The following TNS1 variants were observed in gnomAD, a reference collection of about 807,000 sequenced individuals.
TNS1 encodes the protein tensin-1.
Under a neutral mutation model 168.6 loss-of-function variants are expected in TNS1, and 62 were observed. That is an observed-to-expected ratio of 0.37 (90% CI 0.30 to 0.45). The LOEUF (loss-of-function observed/expected upper bound fraction) is 0.45. Ranked by LOEUF, TNS1 falls within the 20% of genes least tolerant of loss-of-function variation. The pLI is 1.00. For missense variants in TNS1, 2,240 were observed against 2,339.4 expected (o/e 0.96, Z 0.88); for synonymous variants, 934 against 933.2 (o/e 1.00, Z -0.02).
intron 22 of TNS1, among the ~76,000 whole-genome samples, chr2:217,822,161 C>A (rs1250275670): frequency 6.6e-6 from 1 of 152,168 alleles, no homozygotes; most frequent in Non-Finnish European, 1.5e-5. Context: ...AAATGGATCC[C>A]AGGCCCCGCC....
At position 217,907,246 on chromosome 2, in the gene TNS1, G is replaced by A. The variant is rs989345332; in HGVS notation, c.234C>T (p.Ile78=). Residue 78 remains isoleucine, a synonymous_variant, in exon 5 of 33, where the codon ATC becomes ATT. Transcript: ENST00000682258. ...VPPSNHELVP[I]TTENAPKNVV... ...CATTCTTTGGTGCATTCTCAGTGGT[G>A]ATGGGCTGTGGACAGAAGGAGAAAC... The A allele has an allele frequency of 1.4e-6, 1 of 702,988 alleles. No individual in the cohort carries two copies. The highest frequency in any genetic ancestry group is 2.0e-5 in the Admixed American group (1 of 50,004). The allele number at this position is 702,988 out of a possible 1,614,324, so 43.5% of individuals were successfully genotyped here.
At chr2:217,857,204 G>A (rs1948243801) in intron 18 of TNS1, among the ~76,000 whole-genome samples, 1 of 152,218 alleles carries the variant, frequency 6.6e-6, no homozygotes. Flanking sequence ...CAGGGCCCGG[G>A]AGGTTGGCTC....
intron 3 of TNS1, among the ~76,000 whole-genome samples, chr2:217,951,081 G>A (rs1276871302): frequency 6.6e-6 from 1 of 152,178 alleles, no homozygotes; most frequent in Non-Finnish European, 1.5e-5. Context: ...TTGAAATGGG[G>A]AGCTATCCCT....
At chr2:217,990,232 C>G (rs1958327522) in intron 2 of TNS1, among the ~76,000 whole-genome samples, 1 of 151,156 alleles carries the variant, frequency 6.6e-6, no homozygotes, top group Admixed American at 6.6e-5. Context: ...ATCATCCACA[C>G]ACCATCTATA....
intron 3 of TNS1, among the ~76,000 whole-genome samples, chr2:217,934,234 G>A (rs1317564358): frequency 1.3e-5 from 2 of 152,188 alleles, no homozygotes; most frequent in Non-Finnish European, 2.9e-5. Context: ...AGCATCGATG[G>A]AGCTGAGGGG....
chr2:217,886,173 T>C (rs1262414509), intron 13 of TNS1, 69 bp from the exon 14 acceptor site: 8 of 1,517,202 alleles, frequency 5.3e-6, no homozygotes, highest in Non-Finnish European at 7.3e-6. Context: ...GAGGAGACAG[T>C]GAAGGGAGAA....
At position 217,923,442 on chromosome 2, in the gene TNS1, G is replaced by A. The variant is rs180966203; in HGVS notation, c.187-3206C>T. Among the ~76,000 whole-genome samples the A allele has an allele frequency of 1.5e-3, 234 of 152,300 alleles. 1 individual carries two copies. Among genetic ancestry groups the A allele is most frequent in the African/African-American group, 5.3e-3 (221 of 41,554 alleles). Reference sequence around the variant, plus strand: ...GCATTAATTAACTCATTTAATTCACGTAACAATGCTGAGCGTTGTCATTAT... The same window carrying A: ...GCATTAATTAACTCATTTAATTCACATAACAATGCTGAGCGTTGTCATTAT... On this transcript the variant is annotated intron_variant, in intron 3 of 32. Coordinates refer to ENST00000682258, the MANE Select transcript of TNS1 (RefSeq NM_001387777.1).
chr2:217,815,872 C>T (rs1054362562), intron 24 of TNS1, among the ~76,000 whole-genome samples: 3 of 149,354 alleles, frequency 2.0e-5, no homozygotes, highest in African/African-American at 7.4e-5. Flanking sequence ...TCACATAGAA[C>T]AAAAAAAAAA....
At position 217,809,476 on chromosome 2, in the gene TNS1, GAT is replaced by G. The variant is rs1940255759; in HGVS notation, c.5273+345_5273+346del. ...GGATGGATGCATGGATGGATGGATGGATGGATGGATGGATGCATGGATGGATG... is the reference window on the plus strand; with the variant it reads ...GGATGGATGCATGGATGGATGGATGGGGATGGATGGATGCATGGATGGATG... On this transcript the variant is annotated intron_variant, in intron 30 of 32. Transcript: ENST00000682258. Among the ~76,000 whole-genome samples, 2 of 75,626 alleles carry G rather than the reference GAT, an allele frequency of 2.6e-5. 1 individual carries two copies. The highest frequency in any genetic ancestry group is 2.6e-4 in the Admixed American group (2 of 7,748). 49.6% of individuals were successfully genotyped at this position (75,626 alleles called of 152,430 possible). A position where few individuals can be genotyped will look rare whatever the true frequency, so the allele number is the denominator to read the frequency against.
At chr2:217,947,230 C>T (rs560472574) in intron 3 of TNS1, among the ~76,000 whole-genome samples, 1 of 148,730 alleles carries the variant, frequency 6.7e-6, no homozygotes, top group Non-Finnish European at 1.5e-5. Flanking sequence ...CAAGGGTAGG[C>T]CTGGGGGTTT....
At chr2:217,829,944 A>C in intron 22 of TNS1, 1 of 1,597,518 alleles carries the variant, frequency 6.3e-7, no homozygotes, top group Non-Finnish European at 8.5e-7. Context: ...GCAGGTGGTG[A>C]AGATGAGGAA....
chr2:217,855,795 C>T (rs1948064848), intron 18 of TNS1, among the ~76,000 whole-genome samples: 1 of 152,138 alleles, frequency 6.6e-6, no homozygotes, highest in African/African-American at 2.4e-5. Context: ...CACCACCACC[C>T]AGTGAAAAAT....
intron 18 of TNS1, among the ~76,000 whole-genome samples, chr2:217,862,002 G>A (rs111583572): frequency 0.017 from 2,644 of 152,324 alleles, 70 homozygotes; most frequent in African/African-American, 0.059. Context: ...TTCCAAAATG[G>A]TGCAGACTAC....
intron 1 of TNS1, among the ~76,000 whole-genome samples, chr2:217,992,000 C>T (rs1958378370): frequency 1.3e-5 from 2 of 152,158 alleles, no homozygotes; most frequent in South Asian, 4.1e-4. Context: ...GCCTCAGTTT[C>T]TCTCTCTGGA....
At chr2:217,966,539 C>G (rs1013672860) in intron 3 of TNS1, among the ~76,000 whole-genome samples, 3 of 152,146 alleles carry the variant, frequency 2.0e-5, no homozygotes, top group African/African-American at 7.2e-5. Context: ...AGAGGCATTT[C>G]CCAGGGCAAA....
chr2:217,999,820 G>C (rs901751907), intron 1 of TNS1, among the ~76,000 whole-genome samples: 2 of 152,262 alleles, frequency 1.3e-5, no homozygotes, highest in African/African-American at 4.8e-5. Context: ...ATCATCGTCT[G>C]CAGCTGGATG....
chr2:217,921,072 C>G (rs1955662556), intron 3 of TNS1, among the ~76,000 whole-genome samples: 1 of 152,042 alleles, frequency 6.6e-6, no homozygotes. Flanking sequence ...CTCCATCGCT[C>G]CCTTCCCTGA....
At chr2:218,006,291 C>T (rs1219243921), upstream of TNS1, among the ~76,000 whole-genome samples, 1 of 152,206 alleles carries the variant, frequency 6.6e-6, no homozygotes, top group African/African-American at 2.4e-5. Context: ...GCAGGCCCCT[C>T]CCTGGGCCTC....
At chr2:217,939,672 C>T (rs1270058743) in intron 3 of TNS1, among the ~76,000 whole-genome samples, 1 of 152,216 alleles carries the variant, frequency 6.6e-6, no homozygotes, top group Non-Finnish European at 1.5e-5. Flanking sequence ...CCCCAGGCCC[C>T]CGCCTTGCTG....
Sources: gnomAD v4.1 joint callset for allele counts (sites outside exome capture counted in the v4.1 genomes callset) on GRCh38, gnomAD v4.1.1 for gene constraint, MANE v1.5 for transcripts, NCBI Gene and HGNC (gene_info 2026-07-23, HGNC 2026-07-21) for gene names.